The following DOCK1 variants were observed in gnomAD, a reference collection of about 807,000 sequenced individuals.
DOCK1 encodes the protein dedicator of cytokinesis 1.
Under a neutral mutation model 262.7 loss-of-function variants are expected in DOCK1, and 138 were observed. That is an observed-to-expected ratio of 0.53 (90% CI 0.46 to 0.61). DOCK1 has a LOEUF of 0.61. DOCK1 is among the 20% of genes least tolerant of loss of function. The pLI is 0.00. For synonymous variants in DOCK1, 866 were observed against 867.4 expected (o/e 1.00, Z 0.03); for missense variants, 1,908 against 2,370.7 (o/e 0.80, Z 4.05).
rs1039203687 is a variant in DOCK1, at chr10:127,417,134, G to A, written c.4516-1231G>A. Among the ~76,000 whole-genome samples, 9 of 152,346 alleles carry A rather than the reference G, an allele frequency of 5.9e-5. No individual in the cohort carries two copies. In the South Asian group the frequency reaches 1.2e-3, roughly 21 times the overall value. On this transcript the variant is annotated intron_variant, in intron 44 of 51. Coordinates refer to ENST00000623213, the MANE Select transcript of DOCK1 (RefSeq NM_001290223.2). ...TAGAGGCTGTAGCAGGAAGAAAGCC[G>A]GACATGAAGATACCAAGGGCTCTTG...
intron 27 of DOCK1, among the ~76,000 whole-genome samples, chr10:127,204,878 C>T (rs2057642599): frequency 6.6e-6 from 1 of 152,154 alleles, no homozygotes; most frequent in South Asian, 2.1e-4. Flanking sequence ...TTGCACATGA[C>T]TTGCTATCCT....
At chr10:127,121,499 ATCTG>A (rs1293688154) in intron 25 of DOCK1, among the ~76,000 whole-genome samples, 1 of 111,306 alleles carries the variant, frequency 9.0e-6, no homozygotes, top group Middle Eastern at 6.0e-3. Context: ...CTGTCTGTCC[ATCTG>A]TCTGTTTTTG....
intron 4 of DOCK1, among the ~76,000 whole-genome samples, chr10:126,982,193 A>C (rs2039033765): frequency 6.6e-6 from 1 of 152,154 alleles, no homozygotes; most frequent in South Asian, 2.1e-4. Flanking sequence ...CATACTTGGC[A>C]GTTACTGTCC....
intron 37 of DOCK1, among the ~76,000 whole-genome samples, chr10:127,383,696 C>T (rs926705438): frequency 1.3e-5 from 2 of 152,190 alleles, no homozygotes; most frequent in Non-Finnish European, 2.9e-5. Context: ...GAGCCTTGCC[C>T]CGTTGCCCGG....
chr10:127,429,898 T>C (rs913600749), intron 47 of DOCK1, among the ~76,000 whole-genome samples: 1 of 151,908 alleles, frequency 6.6e-6, no homozygotes. Flanking sequence ...TTCAGGCTTG[T>C]GAAAAAGAGC....
At chr10:127,042,594 C>T (rs745348356) in intron 19 of DOCK1, 31 bp from the exon 20 acceptor site, 4 of 1,603,932 alleles carry the variant, frequency 2.5e-6, no homozygotes, top group Non-Finnish European at 2.6e-6. Context: ...GGTGGGTTCA[C>T]ATTGTCACCC....
At chr10:127,036,981 G>GA (rs11429952) in intron 18 of DOCK1, among the ~76,000 whole-genome samples, 89,212 of 128,048 alleles carry the variant, frequency 0.7, 30,889 homozygotes, top group South Asian at 0.8. Context: ...CCATCTCAAG[G>GA]AAAAAAAAAA....
At chr10:126,951,070 T>C (rs2036176887) in intron 1 of DOCK1, among the ~76,000 whole-genome samples, 1 of 148,936 alleles carries the variant, frequency 6.7e-6, no homozygotes, top group Non-Finnish European at 1.5e-5. Context: ...TAGTATTGTT[T>C]TTGGTAGTGT....
In DOCK1 at chr10:127,404,521, C is replaced by T. The variant is rs1235601094; in HGVS notation, c.4122+92C>T. The T allele has an allele frequency of 9.0e-6, 11 of 1,227,784 alleles. No homozygotes were observed. In the East Asian group the frequency reaches 1.0e-4, roughly 11 times the overall value. 76.1% of individuals were successfully genotyped at this position (1,227,784 alleles called of 1,614,324 possible). On this transcript the variant is annotated intron_variant, in intron 40 of 51. Coordinates refer to ENST00000623213, the MANE Select transcript of DOCK1 (RefSeq NM_001290223.2). The stretch of plus-strand genomic sequence containing the variant: ...TGAGGAAGGGTGGGGAGTTTGCATC[C>T]GCGTGGGATCGTGCAACTCTCTACA...
In DOCK1 at chr10:127,175,661, G is replaced by C; in HGVS notation, c.2847+47897G>C. On this transcript the variant is annotated intron_variant, in intron 27 of 51. Transcript: ENST00000623213. This position sits in a 1 kb window ranked among gnomAD's most constrained non-coding sequence, Gnocchi z 6.3. Reference sequence around the variant, plus strand: ...CAACCTCCGTTTTAAACACCCTCCTGAGGGCAGGTGGAGCGGGCTCCTCGG... The same window carrying C: ...CAACCTCCGTTTTAAACACCCTCCTCAGGGCAGGTGGAGCGGGCTCCTCGG... The C allele has an allele frequency of 1.2e-6, 2 of 1,613,658 alleles. No individual in the cohort carries two copies. The highest frequency in any genetic ancestry group is 8.5e-7 in the Non-Finnish European group (1 of 1,179,980).
intron 29 of DOCK1, among the ~76,000 whole-genome samples, chr10:127,268,116 A>G (rs1169876164): frequency 1.3e-5 from 2 of 152,212 alleles, no homozygotes; most frequent in Non-Finnish European, 2.9e-5. Context: ...CATGCACGAG[A>G]CAGCCCCCTG....
chr10:126,905,631 G>A (rs1001821861), intron 1 of DOCK1, 68 bp downstream of exon 1: 9 of 256,220 alleles, frequency 3.5e-5, no homozygotes, highest in East Asian at 6.4e-5. Context: ...GGTGTGCCGG[G>A]CGCCTGTTGC....
Position 127,110,334 on chromosome 10 carries a change from G to T in DOCK1, c.2603G>T (p.Ser868Ile). ...KLYCLIEIVH[S>I]DLFTQHDCRE... ...TACTGCTTGATCGAAATCGTCCACA[G>T]TGACCTCTTCACACAGCATGGTGAG... is the stretch of plus-strand genomic sequence containing the variant. The change falls in exon 25 of 52, where the codon AGT (serine) becomes ATT (isoleucine). Residue 868 changes from serine (S) to isoleucine (I), a missense_variant. By Grantham distance (142) the Ser-to-Ile change is moderately radical. This residue lies in a region of DOCK1 where 518 missense variants were observed against 575.1 expected (regional missense o/e 0.90). Transcript: ENST00000623213. 6.2e-7 allele frequency: 1 copy of T among 1,613,128 alleles called. No homozygotes were observed. The highest frequency in any genetic ancestry group is 1.3e-5 in the African/African-American group (1 of 75,032).
At chr10:127,145,860 T>C in intron 27 of DOCK1, 1 of 379,048 alleles carries the variant, frequency 2.6e-6, no homozygotes, top group South Asian at 2.0e-5. Context: ...CATTAGCTGC[T>C]TGTGTGTGTC....
chr10:127,343,617 C>G, intron 30 of DOCK1, 29 bp from the exon 31 acceptor site: 3 of 1,561,876 alleles, frequency 1.9e-6, no homozygotes, highest in Non-Finnish European at 2.6e-6. Context: ...TGTTCAACAA[C>G]TTAGCATCTC....
chr10:127,053,259 G>A (rs2044870152), intron 22 of DOCK1, among the ~76,000 whole-genome samples: 1 of 152,284 alleles, frequency 6.6e-6, no homozygotes, highest in Middle Eastern at 3.4e-3. Context: ...GGAGAAGGGC[G>A]TGAACCCGGG....
chr10:127,144,713 A>G (rs1423370809), intron 27 of DOCK1, among the ~76,000 whole-genome samples: 1 of 152,228 alleles, frequency 6.6e-6, no homozygotes, highest in Non-Finnish European at 1.5e-5. Flanking sequence ...AGTTTAAAAT[A>G]TCAGTGGTTT....
At chr10:127,360,542 C>G (rs567655381) in intron 32 of DOCK1, among the ~76,000 whole-genome samples, 1 of 152,302 alleles carries the variant, frequency 6.6e-6, no homozygotes, top group East Asian at 1.9e-4. Context: ...AAATTGAGTG[C>G]TTGTGAGAAG....
chr10:127,366,367 T>C (rs1427710584), intron 33 of DOCK1, among the ~76,000 whole-genome samples: 2 of 152,090 alleles, frequency 1.3e-5, no homozygotes, highest in African/African-American at 4.8e-5. Flanking sequence ...TGCAGCATCA[T>C]CCCCTTTTCT....
Sources: gnomAD v4.1 joint callset for allele counts (sites outside exome capture counted in the v4.1 genomes callset) on GRCh38, gnomAD v4.1.1 for gene constraint, gnomAD v4.1.1 regional missense constraint, Gnocchi (gnomAD v3.1) non-coding constraint, MANE v1.5 for transcripts, NCBI Gene and HGNC (gene_info 2026-07-23, HGNC 2026-07-21) for gene names.